Variants in PCDH15 observed in about 807,000 individuals in gnomAD.
The protein encoded by PCDH15 is protocadherin related 15.
PCDH15 carries 129 observed loss-of-function variants against 178.5 expected under a neutral mutation model. The observed-to-expected ratio is 0.72, with a 90% confidence interval of 0.63 to 0.84. The LOEUF is 0.84. PCDH15 is among the 40% of genes least tolerant of loss of function. PCDH15 has a pLI of 0.00. For synonymous variants in PCDH15, 800 were observed against 732.0 expected, an observed-to-expected ratio of 1.09 and a Z score of -1.50; for missense variants, 2,230 against 2,099.9, an observed-to-expected ratio of 1.06 and a Z score of -1.21.
chr10:54,394,819 T>C (rs963219586), intron 3 of PCDH15, among the ~76,000 whole-genome samples: 1 of 152,110 alleles, frequency 6.6e-6, no homozygotes, highest in African/African-American at 2.4e-5. Context: ...TTTATAAGCC[T>C]ATACCTCCAG....
intron 1 of PCDH15, among the ~76,000 whole-genome samples, chr10:55,192,239 T>C (rs1200974534): frequency 2.0e-5 from 3 of 151,818 alleles, no homozygotes; most frequent in Admixed American, 2.0e-4. Flanking sequence ...CCTCTGTCTC[T>C]TCCATAACCA....
At chr10:54,825,391 T>C (rs1953111806) in intron 3 of PCDH15, among the ~76,000 whole-genome samples, 1 of 147,372 alleles carries the variant, frequency 6.8e-6, no homozygotes, top group Admixed American at 6.9e-5. Context: ...ATATACCCAG[T>C]AATGGGATGG....
In PCDH15 at chr10:55,507,282, A is replaced by G. The variant is rs374213360; in HGVS notation, c.-156+120343T>C. Among the ~76,000 whole-genome samples the G allele has an allele frequency of 1.2e-4, 18 of 151,724 alleles. No homozygotes were observed. The South Asian group carries it at 3.7e-3, about 31-fold the overall frequency. The stretch of plus-strand genomic sequence containing the variant: ...TATGTGGCTACTTTTAGATAATATA[A>G]TGCACAGTAATTCTTGGGAGGTAAG... On this transcript the variant is annotated intron_variant, in intron 2 of 5. Transcript: ENST00000613346.
intron 2 of PCDH15, among the ~76,000 whole-genome samples, chr10:54,982,484 T>C (rs770972898): frequency 2.6e-5 from 4 of 152,170 alleles, no homozygotes; most frequent in Non-Finnish European, 5.9e-5. Flanking sequence ...TTTGCATAGG[T>C]AGGAATTATA....
intron 2 of PCDH15, among the ~76,000 whole-genome samples, chr10:55,447,118 A>G (rs1326876905): frequency 6.6e-6 from 1 of 152,138 alleles, no homozygotes; most frequent in Non-Finnish European, 1.5e-5. Flanking sequence ...TAATAACAAT[A>G]CAAATCAAGT....
At chr10:54,804,927 TTATATATA>T (rs71014419), upstream of PCDH15, among the ~76,000 whole-genome samples, 133 of 50,844 alleles carry the variant, frequency 2.6e-3, 9 homozygotes, top group African/African-American at 6.5e-3. Context: ...TCATAGTAGA[TTATATATA>T]TATATATATA....
intron 3 of PCDH15, among the ~76,000 whole-genome samples, chr10:54,884,553 A>G (rs1007869779): frequency 6.6e-6 from 1 of 151,662 alleles, no homozygotes; most frequent in African/African-American, 2.4e-5. Flanking sequence ...TAGTTCTTAG[A>G]CATATTTAAG....
intron 21 of PCDH15, among the ~76,000 whole-genome samples, chr10:53,964,463 A>T (rs1008985569): frequency 3.0e-4 from 45 of 147,742 alleles, no homozygotes; most frequent in African/African-American, 9.8e-4. Flanking sequence ...TATTCATAAA[A>T]TTTTTATAAA....
intron 1 of PCDH15, among the ~76,000 whole-genome samples, chr10:54,700,551 C>T (rs2095296089): frequency 1.3e-5 from 2 of 152,090 alleles, no homozygotes; most frequent in African/African-American, 2.4e-5. Context: ...GAAAAACTCA[C>T]TTCAATAATT....
At chr10:54,426,659 A>C (rs2135932097) in intron 3 of PCDH15, among the ~76,000 whole-genome samples, 1 of 151,998 alleles carries the variant, frequency 6.6e-6, no homozygotes, top group African/African-American at 2.4e-5. Flanking sequence ...CCTGAAAATT[A>C]GATTTTTTTT....
intron 2 of PCDH15, among the ~76,000 whole-genome samples, chr10:55,510,829 C>T (rs1013115513): frequency 4.0e-5 from 6 of 149,012 alleles, no homozygotes; most frequent in African/African-American, 1.2e-4. Context: ...TATATATATA[C>T]ATACACATAT....
chr10:53,969,678 G>A lies in PCDH15; in HGVS notation c.2869-7786C>T, dbSNP rs373749045. The stretch of plus-strand genomic sequence containing the variant: ...GGATCTCTAAGCAAAAAATGTACAA[G>A]TCAGAAGAGAGCAGGGGACAATATT... On this transcript the variant is annotated intron_variant, in intron 21 of 37. Coordinates refer to ENST00000644397, the MANE Select transcript of PCDH15 (RefSeq NM_001384140.1). 2.6e-5 allele frequency among the ~76,000 whole-genome samples: 4 copies of A among 152,324 alleles called. No individual in the cohort carries two copies. The East Asian group carries it at 7.7e-4, about 29-fold the overall frequency.
At position 55,079,086 on chromosome 10, in the gene PCDH15, T is replaced by C. The variant is rs988041509; in HGVS notation, c.-80+87490A>G. ...AATCAATATTTAGAATCCTTTTTTA[T>C]TCTGGGATTTTGGGACTTTCTTTTT... On this transcript the variant is annotated intron_variant, in intron 2 of 5. Coordinates refer to the PCDH15 transcript ENST00000458638. Among the ~76,000 whole-genome samples the C allele has an allele frequency of 2.0e-5, 3 of 152,212 alleles. 1 individual carries two copies. Among genetic ancestry groups the C allele is most frequent in the Non-Finnish European group, 4.4e-5 (3 of 68,038 alleles).
At position 55,516,511 on chromosome 10, in the gene PCDH15, CTG is replaced by C. The variant is rs141663124; in HGVS notation, c.-156+111112_-156+111113del. On this transcript the variant is annotated intron_variant, in intron 2 of 5. Transcript: ENST00000613346. ...ATTTCAAGGAGGAACACAACTCAGA[CTG>C]TGTCTTTCTGAATAGCAATGTCTGC... 6.7e-3 allele frequency among the ~76,000 whole-genome samples: 1,021 copies of C among 152,272 alleles called. 13 individuals are homozygous for C. Among genetic ancestry groups the C allele is most frequent in the African/African-American group, 0.024 (979 of 41,552 alleles).
chr10:54,905,833 C>T (rs556608910), intron 2 of PCDH15, among the ~76,000 whole-genome samples: 78 of 152,138 alleles, frequency 5.1e-4, no homozygotes, highest in African/African-American at 1.8e-3. Flanking sequence ...AAAATTTCTC[C>T]CTCTTAACAT....
intron 9 of PCDH15, among the ~76,000 whole-genome samples, chr10:54,217,950 A>T (rs1055367104): frequency 2.6e-5 from 4 of 152,208 alleles, no homozygotes; most frequent in African/African-American, 9.6e-5. Flanking sequence ...TAAAGATAAG[A>T]CAATTTGAGC....
intron 2 of PCDH15, among the ~76,000 whole-genome samples, chr10:55,424,517 C>T (rs780404955): frequency 1.3e-5 from 2 of 152,026 alleles, no homozygotes; most frequent in African/African-American, 2.4e-5. Flanking sequence ...GGTAACAATG[C>T]CTCATCTAAT....
At chr10:54,568,292 C>T (rs1424554973) in intron 2 of PCDH15, among the ~76,000 whole-genome samples, 1 of 151,910 alleles carries the variant, frequency 6.6e-6, no homozygotes, top group African/African-American at 2.4e-5. Flanking sequence ...TACTCATGCA[C>T]TGCATCACTT....
intron 15 of PCDH15, among the ~76,000 whole-genome samples, chr10:54,100,778 T>C (rs1357182225): frequency 5.3e-5 from 8 of 152,166 alleles, no homozygotes; most frequent in African/African-American, 1.7e-4. Context: ...AGTGATATGA[T>C]ACCATATTAG....
Sources: allele counts gnomAD v4.1 joint callset (sites outside exome capture counted in the v4.1 genomes callset), GRCh38; gene constraint gnomAD v4.1.1; transcripts MANE v1.5; gene names NCBI Gene and HGNC (gene_info 2026-07-23, HGNC 2026-07-21).